Variants in GRIK2 observed in about 807,000 individuals in gnomAD.
GRIK2 encodes the protein glutamate ionotropic receptor kainate type subunit 2, also known as glutamate receptor ionotropic, kainate 2.
GRIK2 carries 32 observed loss-of-function variants against 100.3 expected under a neutral mutation model. The observed-to-expected ratio is 0.32, with a 90% CI of 0.24 to 0.43. The LOEUF is 0.43. GRIK2 is among the 20% of genes least tolerant of loss of function. The pLI is 1.00. For missense variants in GRIK2, 843 were observed against 1,114.9 expected, an observed-to-expected ratio of 0.76 and a Z score of 3.47; for synonymous variants, 417 against 389.4, an observed-to-expected ratio of 1.07 and a Z score of -0.83.
In GRIK2 at chr6:101,989,904, G is replaced by T. The variant is rs114195171; in HGVS notation, c.2086-45437G>T. ...ACTTTTATCAAATTAATTTTTAAAA[G>T]CACTCATTTACTAAATATGACTACA... On this transcript the variant is annotated intron_variant, in intron 14 of 16. Transcript: ENST00000369134. 2.1e-3 allele frequency among the ~76,000 whole-genome samples: 313 copies of T among 151,246 alleles called. 1 individual carries two copies. Among genetic ancestry groups the T allele is most frequent in the African/African-American group, 7.4e-3 (305 of 41,358 alleles).
intron 2 of GRIK2, among the ~76,000 whole-genome samples, chr6:101,613,205 A>C (rs9373616): frequency 0.18 from 27,020 of 151,584 alleles, 2,647 homozygotes; most frequent in East Asian, 0.29. Flanking sequence ...GAATCTATAA[A>C]CTGTTAGCTA....
chr6:101,687,578 G>A (rs967759453), intron 7 of GRIK2, among the ~76,000 whole-genome samples: 1 of 151,786 alleles, frequency 6.6e-6, no homozygotes, highest in Non-Finnish European at 1.5e-5. Context: ...ATCCTTAGAA[G>A]GTTTTGTAAT....
At chr6:101,705,759 G>C (rs1189565989) in intron 7 of GRIK2, among the ~76,000 whole-genome samples, 1 of 151,864 alleles carries the variant, frequency 6.6e-6, no homozygotes, top group African/African-American at 2.4e-5. Flanking sequence ...AGTTAAGTGT[G>C]ATAAGAATAT....
At chr6:101,669,190 G>A (rs1290820085) in intron 4 of GRIK2, among the ~76,000 whole-genome samples, 1 of 151,676 alleles carries the variant, frequency 6.6e-6, no homozygotes, top group Admixed American at 6.6e-5. Flanking sequence ...GGGAAGAAGG[G>A]GACACTTTAA....
intron 10 of GRIK2, among the ~76,000 whole-genome samples, chr6:101,838,157 T>A (rs1783260769): frequency 6.6e-6 from 1 of 152,198 alleles, no homozygotes; most frequent in African/African-American, 2.4e-5. Context: ...ATCCTACCCT[T>A]TTGTTCTCAA....
Position 101,693,822 on chromosome 6 carries a change from CAT to C in GRIK2, c.951+7470_951+7471del, listed in dbSNP as rs375995927. Among the ~76,000 whole-genome samples, 382 of 151,806 alleles carry C rather than the reference CAT, an allele frequency of 2.5e-3. 7 individuals are homozygous for C. Among genetic ancestry groups the C allele is most frequent in the African/African-American group, 9.0e-3 (372 of 41,382 alleles). On this transcript the variant is annotated intron_variant, in intron 7 of 16. Transcript: ENST00000369134. ...TATGTATATGATCATGTACAGATAT[CAT>C]GTGATATGATTATATCATATGTATA...
At chr6:101,867,514 A>T (rs922216406) in intron 11 of GRIK2, among the ~76,000 whole-genome samples, 1 of 151,814 alleles carries the variant, frequency 6.6e-6, no homozygotes, top group Non-Finnish European at 1.5e-5. Context: ...TGTAATTCTG[A>T]TTTATGCTAT....
intron 4 of GRIK2, among the ~76,000 whole-genome samples, chr6:101,660,690 A>G (rs879371616): frequency 2.0e-5 from 3 of 152,058 alleles, no homozygotes; most frequent in Non-Finnish European, 4.4e-5. Context: ...TGTTGATGCC[A>G]TTCCTTTCTG....
chr6:101,848,618 A>G (rs1386534484), intron 10 of GRIK2, among the ~76,000 whole-genome samples: 1 of 152,152 alleles, frequency 6.6e-6, no homozygotes, highest in Non-Finnish European at 1.5e-5. Flanking sequence ...AAAAATTTAG[A>G]AAATCATGGT....
intron 7 of GRIK2, among the ~76,000 whole-genome samples, chr6:101,689,990 A>G (rs956712556): frequency 8.5e-5 from 13 of 152,250 alleles, no homozygotes; most frequent in South Asian, 2.1e-4. Flanking sequence ...TAGCACATTT[A>G]CTATAGGATG....
intron 2 of GRIK2, among the ~76,000 whole-genome samples, chr6:101,452,041 A>G (rs555971705): frequency 6.6e-6 from 1 of 151,920 alleles, no homozygotes; most frequent in African/African-American, 2.4e-5. Flanking sequence ...CTATGTATAT[A>G]TTTAATACCT....
At chr6:101,732,124 C>G (rs1408449771) in intron 7 of GRIK2, among the ~76,000 whole-genome samples, 1 of 151,208 alleles carries the variant, frequency 6.6e-6, no homozygotes, top group East Asian at 1.9e-4. Flanking sequence ...CTTTTTTTTC[C>G]TAGTGTGATA....
intron 14 of GRIK2, among the ~76,000 whole-genome samples, chr6:102,014,409 C>G (rs931833879): frequency 1.3e-5 from 2 of 151,726 alleles, no homozygotes; most frequent in African/African-American, 4.8e-5. Flanking sequence ...CTTCACTGAT[C>G]TTTTGAATAG....
At chr6:101,661,381 T>C (rs1769598782) in intron 4 of GRIK2, among the ~76,000 whole-genome samples, 1 of 151,938 alleles carries the variant, frequency 6.6e-6, no homozygotes, top group Non-Finnish European at 1.5e-5. Flanking sequence ...CAGCAAGAAT[T>C]TCAAGCCAGT....
chr6:101,535,520 T>C (rs994053417), intron 2 of GRIK2, among the ~76,000 whole-genome samples: 1 of 151,756 alleles, frequency 6.6e-6, no homozygotes, highest in African/African-American at 2.4e-5. Flanking sequence ...AACAAATGGC[T>C]GATCATTTTT....
intron 2 of GRIK2, among the ~76,000 whole-genome samples, chr6:101,577,172 A>AT (rs1777829400): frequency 6.6e-6 from 1 of 151,504 alleles, no homozygotes; most frequent in African/African-American, 2.4e-5. Flanking sequence ...CAAAAAAAAA[A>AT]CAACAACATC....
chr6:101,553,902 T>C (rs568180869), intron 2 of GRIK2, among the ~76,000 whole-genome samples: 1 of 152,326 alleles, frequency 6.6e-6, no homozygotes, highest in African/African-American at 2.4e-5. Flanking sequence ...CACTTTGTAC[T>C]TGCCTGCCCA....
chr6:101,583,966 A>G (rs748546284), intron 2 of GRIK2, among the ~76,000 whole-genome samples: 34 of 152,126 alleles, frequency 2.2e-4, no homozygotes, highest in Non-Finnish European at 4.6e-4. Context: ...ATATATATGT[A>G]TATAACTAGA....
intron 16 of GRIK2, among the ~76,000 whole-genome samples, chr6:102,057,769 C>A (rs1041632197): frequency 6.6e-6 from 1 of 151,818 alleles, no homozygotes; most frequent in Admixed American, 6.6e-5. Context: ...TTTACTACAG[C>A]CACACTACAT....
Sources: allele counts gnomAD v4.1 joint callset (sites outside exome capture counted in the v4.1 genomes callset), GRCh38; gene constraint gnomAD v4.1.1; transcripts MANE v1.5; gene names NCBI Gene and HGNC (gene_info 2026-07-23, HGNC 2026-07-21).